PTPRG: variants seen among roughly 807,000 people sequenced by gnomAD.
The protein encoded by PTPRG is receptor-type tyrosine-protein phosphatase gamma.
Under a neutral mutation model 165.3 loss-of-function variants are expected in PTPRG, and 102 were observed. That is an observed-to-expected ratio of 0.62 (90% confidence interval 0.53 to 0.73). The LOEUF is 0.73. Ranked by LOEUF, PTPRG falls within the 30% of genes least tolerant of loss-of-function variation. PTPRG has a pLI of 0.00. For missense variants in PTPRG, 1,866 were observed against 1,861.4 expected, an observed-to-expected ratio of 1.00 and a Z score of -0.05; for synonymous variants, 675 against 669.5, an observed-to-expected ratio of 1.01 and a Z score of -0.13.
chr3:61,774,789 G>T (rs1199049283), intron 2 of PTPRG, among the ~76,000 whole-genome samples: 1 of 152,188 alleles, frequency 6.6e-6, no homozygotes, highest in Non-Finnish European at 1.5e-5. Context: ...TGGCTATTGA[G>T]CAGCTTCTCG....
chr3:61,724,806 T>C (rs1194423631), intron 1 of PTPRG, among the ~76,000 whole-genome samples: 1 of 152,132 alleles, frequency 6.6e-6, no homozygotes, highest in African/African-American at 2.4e-5. Context: ...TTGCCCACTT[T>C]CTTATTGGAT....
At chr3:61,900,955 C>G (rs1422810669) in intron 2 of PTPRG, among the ~76,000 whole-genome samples, 1 of 152,154 alleles carries the variant, frequency 6.6e-6, no homozygotes, top group East Asian at 1.9e-4. Flanking sequence ...GCAATAATCT[C>G]ATAACAATGC....
At chr3:61,980,570 A>C (rs2040616908) in intron 2 of PTPRG, among the ~76,000 whole-genome samples, 1 of 152,192 alleles carries the variant, frequency 6.6e-6, no homozygotes, top group South Asian at 2.1e-4. Flanking sequence ...TTGTCTTTAT[A>C]ATTTGACATT....
At chr3:61,708,709 G>A (rs746112632) in intron 1 of PTPRG, among the ~76,000 whole-genome samples, 1 of 151,910 alleles carries the variant, frequency 6.6e-6, no homozygotes, top group Non-Finnish European at 1.5e-5. Context: ...CGCCCGCCTC[G>A]GCCTCCCAAG....
In PTPRG at chr3:62,168,102, C is replaced by G; in HGVS notation, c.972C>G (p.Asp324Glu). The change falls in exon 8 of 30, where the codon GAC (aspartate) becomes GAG (glutamate). Residue 324 changes from aspartate to glutamate, a missense_variant. By Grantham distance (45) the Asp-to-Glu change is conservative. This residue lies in a region of PTPRG where 1,452 missense variants were observed against 1,463.0 expected (regional missense o/e 0.99). Transcript: ENST00000474889. The stretch of plus-strand genomic sequence containing the variant: ...TGGTGTCCAAGTCCGCCGTCCGTGA[C>G]TCCTGGAACCACGACATGACAGACT... Reference protein sequence around the residue: ...DRVVSKSAVRDSWNHDMTDFL... With the variant: ...DRVVSKSAVRESWNHDMTDFL... 6.2e-7 allele frequency: 1 copy of G among 1,614,134 alleles called. No homozygotes were observed.
intron 6 of PTPRG, among the ~76,000 whole-genome samples, chr3:62,151,177 A>G (rs1353243723): frequency 6.6e-6 from 1 of 152,206 alleles, no homozygotes; most frequent in Non-Finnish European, 1.5e-5. Flanking sequence ...GCCAGATATA[A>G]TTTAATGTTG....
chr3:62,237,812 AG>A lies in PTPRG; in HGVS notation c.2376-5994del, dbSNP rs1701066458. Reference sequence around the variant, plus strand: ...GGTGTGGGTTGTGGGCTTGAGACCCAGAAAACTGCTAACCAGATGCCATACA... The same window carrying A: ...GGTGTGGGTTGTGGGCTTGAGACCCAAAAACTGCTAACCAGATGCCATACA... On this transcript the variant is annotated intron_variant, in intron 14 of 29. Transcript: ENST00000474889. The surrounding 1 kb of genome is among the most constrained non-coding windows in gnomAD (Gnocchi z 4.5). Among the ~76,000 whole-genome samples the A allele has an allele frequency of 6.6e-6, 1 of 152,328 alleles. No individual in the cohort carries two copies. Among genetic ancestry groups the A allele is most frequent in the African/African-American group, 2.4e-5 (1 of 41,582 alleles).
intron 28 of PTPRG, among the ~76,000 whole-genome samples, chr3:62,285,886 A>C (rs1430760753): frequency 6.6e-6 from 1 of 152,162 alleles, no homozygotes; most frequent in Non-Finnish European, 1.5e-5. Context: ...CTCACTCTGG[A>C]GATACATGTA....
At chr3:62,067,197 G>A (rs1474067698) in intron 4 of PTPRG, among the ~76,000 whole-genome samples, 1 of 152,028 alleles carries the variant, frequency 6.6e-6, no homozygotes, top group Non-Finnish European at 1.5e-5. Context: ...TTGACAGGGG[G>A]TGTAGGACAG....
At chr3:61,564,184 C>T (rs186800471) in intron 1 of PTPRG, among the ~76,000 whole-genome samples, 1 of 152,234 alleles carries the variant, frequency 6.6e-6, no homozygotes, top group Non-Finnish European at 1.5e-5. Flanking sequence ...GGTTAATCAT[C>T]TCTCCTTTCT....
At position 62,203,734 on chromosome 3, in the gene PTPRG, G is replaced by A. The variant is rs542134871; in HGVS notation, c.1939G>A (p.Asp647Asn). Reference sequence around the variant, plus strand: ...TCAGACTATACCTGGGCATGAGCAGGATCACACTGCCGTCCCCACAGACCA... The same window carrying A: ...TCAGACTATACCTGGGCATGAGCAGAATCACACTGCCGTCCCCACAGACCA... Reference protein sequence around the residue: ...GHQTIPGHEQDHTAVPTDQTG... With the variant: ...GHQTIPGHEQNHTAVPTDQTG... The change falls in exon 12 of 30, where the codon GAT becomes AAT. Residue 647 changes from aspartate (D) to asparagine (N), a missense_variant. By Grantham distance (23) the Asp-to-Asn change is conservative. Transcript: ENST00000474889. This position sits in a 1 kb window ranked among gnomAD's most constrained non-coding sequence, Gnocchi z 6.4. 5.6e-6 allele frequency: 9 copies of A among 1,597,506 alleles called. No individual in the cohort carries two copies. The South Asian group carries it at 9.0e-5, about 16-fold the overall frequency.
At chr3:62,019,580 A>G (rs1172480544) in intron 4 of PTPRG, among the ~76,000 whole-genome samples, 1 of 152,050 alleles carries the variant, frequency 6.6e-6, no homozygotes, top group Admixed American at 6.6e-5. Context: ...CTGTTGTATA[A>G]CAGGGTGATT....
chr3:62,238,152 G>C (rs1302893983), intron 14 of PTPRG, among the ~76,000 whole-genome samples: 1 of 152,188 alleles, frequency 6.6e-6, no homozygotes, highest in East Asian at 1.9e-4. Flanking sequence ...TCTGTGAGAG[G>C]GATATGAGAA....
chr3:62,204,696 T>C (rs1700183197), intron 12 of PTPRG, among the ~76,000 whole-genome samples: 1 of 152,214 alleles, frequency 6.6e-6, no homozygotes, highest in Admixed American at 6.5e-5. Context: ...AGAGCTGGTA[T>C]TGGCCCATGG....
intron 5 of PTPRG, among the ~76,000 whole-genome samples, chr3:62,083,170 G>A (rs1237195142): frequency 1.3e-5 from 2 of 151,910 alleles, no homozygotes; most frequent in African/African-American, 4.8e-5. Context: ...GTTCTCTACT[G>A]TCAACCTAAT....
chr3:62,275,857 G>A lies in PTPRG; in HGVS notation c.3466-16G>A, dbSNP rs1424967329. ...TATATCTTTGAATGAAGACTAAAAT[G>A]TTTTTTCTTTTTCAGCTGGTCACAC... On this transcript the variant is annotated splice_polypyrimidine_tract_variant and intron_variant, in intron 23 of 29. Coordinates refer to ENST00000474889, the MANE Select transcript of PTPRG (RefSeq NM_002841.4). 6.3e-7 allele frequency: 1 copy of A among 1,575,584 alleles called. No individual in the cohort carries two copies.
chr3:62,268,429 T>G (rs1217580760), intron 19 of PTPRG, among the ~76,000 whole-genome samples: 1 of 152,122 alleles, frequency 6.6e-6, no homozygotes, highest in African/African-American at 2.4e-5. Context: ...CAAACCACTA[T>G]GGCACATGAT....
intron 2 of PTPRG, among the ~76,000 whole-genome samples, chr3:61,870,040 T>C (rs530745903): frequency 1.3e-5 from 2 of 152,230 alleles, no homozygotes; most frequent in South Asian, 4.1e-4. Flanking sequence ...CATATTGAGC[T>C]TTCACTTGGC....
chr3:61,799,340 T>A (rs2035162908), intron 2 of PTPRG, among the ~76,000 whole-genome samples: 1 of 152,190 alleles, frequency 6.6e-6, no homozygotes, highest in Non-Finnish European at 1.5e-5. Flanking sequence ...TGAGTAGAGT[T>A]CTCGTCATTA....
Sources: allele counts gnomAD v4.1 joint callset (sites outside exome capture counted in the v4.1 genomes callset), GRCh38; gene constraint gnomAD v4.1.1; regional missense constraint gnomAD v4.1.1; non-coding constraint Gnocchi (gnomAD v3.1); transcripts MANE v1.5; gene names NCBI Gene and HGNC (gene_info 2026-07-23, HGNC 2026-07-21).